FMO1: variants seen among roughly 807,000 people sequenced by gnomAD.
FMO1 encodes flavin containing dimethylaniline monoxygenase 1.
FMO1 carries 36 observed loss-of-function variants against 45.4 expected under a neutral mutation model. That is an observed-to-expected ratio of 0.79 (90% CI 0.61 to 1.05). The LOEUF is 1.05. Among genes scored for constraint, FMO1 ranks in the 50% least tolerant of loss-of-function variants. The pLI, the probability that FMO1 is intolerant of heterozygous loss-of-function variation, is 0.00. For synonymous variants in FMO1, 228 were observed against 227.2 expected (o/e 1.00, Z -0.03); for missense variants, 615 against 640.3 (o/e 0.96, Z 0.43).
Position 171,285,698 on chromosome 1 carries a change from A to G in FMO1, c.*154A>G. ...GGCTGGCCCCAGGGCTACCACTGGTATTCCTGAGCCTCTCCCAGCTCCACT... is the reference window on the plus strand; with the variant it reads ...GGCTGGCCCCAGGGCTACCACTGGTGTTCCTGAGCCTCTCCCAGCTCCACT... On this transcript the variant is annotated 3_prime_UTR_variant, in exon 9 of 9. Transcript: ENST00000617670. 2.3e-6 allele frequency: 1 copy of G among 433,664 alleles called. No individual in the cohort carries two copies. The highest frequency in any genetic ancestry group is 4.0e-6 in the Non-Finnish European group (1 of 249,842). The allele number at this position is 433,664 out of a possible 1,614,324, so 26.9% of individuals were successfully genotyped here.
chr1:171,285,650 A>T lies in FMO1; in HGVS notation c.*106A>T, dbSNP rs564629760. 4.8e-6 allele frequency: 3 copies of T among 622,166 alleles called. No individual in the cohort carries two copies. In the African/African-American group the frequency reaches 5.7e-5, roughly 12 times the overall value. 38.5% of individuals were successfully genotyped at this position (622,166 alleles called of 1,614,324 possible). A position where few individuals can be genotyped will look rare whatever the true frequency, so the allele number is the denominator to read the frequency against. The stretch of plus-strand genomic sequence containing the variant: ...CAGTTATAAACTGTATTCAAATAGT[A>T]AAGGCCACCCTCTCGCTTCCCTGGC... On this transcript the variant is annotated 3_prime_UTR_variant, in exon 9 of 9. Coordinates refer to ENST00000617670, the MANE Select transcript of FMO1 (RefSeq NM_001282693.2).
At chr1:171,283,483 C>A (rs1050646435) in intron 8 of FMO1, among the ~76,000 whole-genome samples, 1 of 151,930 alleles carries the variant, frequency 6.6e-6, no homozygotes, top group Non-Finnish European at 1.5e-5. Context: ...TCTAGTATCA[C>A]ATAGAGTTTG....
At chr1:171,281,043 C>G in intron 6 of FMO1, 58 bp downstream of exon 6, 1 of 1,424,988 alleles carries the variant, frequency 7.0e-7, no homozygotes. Context: ...GCCTGTCCAG[C>G]AGCCTATACA....
At chr1:171,284,183 A>C (rs1661518956) in intron 8 of FMO1, among the ~76,000 whole-genome samples, 1 of 90,854 alleles carries the variant, frequency 1.1e-5, no homozygotes, top group Non-Finnish European at 2.0e-5. Flanking sequence ...GCAAAAAAAA[A>C]AAAACAAAAA....
chr1:171,255,597 C>A (rs990691644), intron 1 of FMO1, among the ~76,000 whole-genome samples: 1 of 152,184 alleles, frequency 6.6e-6, no homozygotes, highest in Non-Finnish European at 1.5e-5. Context: ...ACACTAGGAG[C>A]CCATTCCTTC....
At chr1:171,266,782 C>G (rs1660633669) in intron 2 of FMO1, among the ~76,000 whole-genome samples, 1 of 152,132 alleles carries the variant, frequency 6.6e-6, no homozygotes, top group African/African-American at 2.4e-5. Context: ...AAGAACCTTG[C>G]CACTGAAATT....
At chr1:171,276,525 C>T (rs2101833308) in intron 4 of FMO1, among the ~76,000 whole-genome samples, 1 of 152,316 alleles carries the variant, frequency 6.6e-6, no homozygotes, top group South Asian at 2.1e-4. Context: ...AGCAGCCATC[C>T]ACTCCAAAAT....
chr1:171,280,845 C>T lies in FMO1; in HGVS notation c.687C>T (p.Tyr229=). Residue 229 remains tyrosine, a synonymous_variant, in exon 6 of 9, where the codon TAC becomes TAT. Coordinates refer to ENST00000617670, the MANE Select transcript of FMO1 (RefSeq NM_001282693.2). ...WVISRIFDSG[Y]PWDMVFMTRF... is the part of the protein sequence containing the mutation. ...TCAGCCGAATCTTTGACTCGGGCTA[C>T]CCATGGGACATGGTGTTCATGACAC... 3 of 1,613,838 alleles carry T rather than the reference C, an allele frequency of 1.9e-6. No individual in the cohort carries two copies. Among genetic ancestry groups the T allele is most frequent in the Middle Eastern group, 1.7e-4 (1 of 6,000 alleles).
At chr1:171,254,680 G>A (rs11806799) in intron 1 of FMO1, among the ~76,000 whole-genome samples, 3,368 of 152,240 alleles carry the variant, frequency 0.022, 48 homozygotes, top group African/African-American at 0.046. Context: ...TGTGGGGTCA[G>A]GCAGCTTCTC....
At chr1:171,280,641 A>C in intron 5 of FMO1, 145 bp from the exon 6 acceptor site, 2 of 644,796 alleles carry the variant, frequency 3.1e-6, no homozygotes, top group Non-Finnish European at 5.5e-6. Context: ...AAGTTAGAAG[A>C]ACCAAGACTA....
At chr1:171,282,798 A>G (rs1420405813) in intron 7 of FMO1, 2 of 260,716 alleles carry the variant, frequency 7.7e-6, no homozygotes, top group Non-Finnish European at 7.2e-6. Flanking sequence ...TATTTTGACT[A>G]AAACAAAATG....
chr1:171,277,895 G>A (rs1005830569), intron 4 of FMO1, among the ~76,000 whole-genome samples: 5 of 152,014 alleles, frequency 3.3e-5, no homozygotes, highest in African/African-American at 9.7e-5. Flanking sequence ...AGAATGTAGA[G>A]GTCTTATTAC....
In FMO1 at chr1:171,283,170, G is replaced by A. The variant is rs1373999675; in HGVS notation, c.1210G>A (p.Val404Ile). Reference protein sequence around the residue: ...KGVNKLPPPSVMIEEINARKE... With the variant: ...KGVNKLPPPSIMIEEINARKE... ...TGTAAATAAGTTACCACCACCAAGTGTCATGATAGAGGAAATTAATGCAAG... is the reference window on the plus strand; with the variant it reads ...TGTAAATAAGTTACCACCACCAAGTATCATGATAGAGGAAATTAATGCAAG... Residue 404 changes from valine (V) to isoleucine (I), a missense_variant, in exon 8 of 9, where the codon GTC becomes ATC. By Grantham distance (29) the Val-to-Ile change is conservative. Coordinates refer to ENST00000617670, the MANE Select transcript of FMO1 (RefSeq NM_001282693.2). The A allele has an allele frequency of 1.9e-6, 3 of 1,540,140 alleles. No homozygotes were observed. The highest frequency in any genetic ancestry group is 1.8e-6 in the Non-Finnish European group (2 of 1,133,912).
intron 1 of FMO1, among the ~76,000 whole-genome samples, chr1:171,253,538 G>C (rs1659998988): frequency 3.9e-5 from 6 of 152,062 alleles, no homozygotes; most frequent in Admixed American, 3.3e-4. Flanking sequence ...GAGGCGGGTG[G>C]ATCACCTGAG....
chr1:171,282,315 GC>G lies in FMO1; in HGVS notation c.1166del (p.Ala389ValfsTer5), dbSNP rs1326226287. On this transcript the variant is annotated frameshift_variant, in exon 7 of 9. Transcript: ENST00000617670. LOFTEE classifies it high-confidence loss of function. Reference protein sequence around the residue: ...IPTGETQARWAVRVLKGVNKL... With the variant: ...IPTGETQARWXVRVLKGVNKL... Reference sequence around the variant, plus strand: ...TACAGGAGAAACACAAGCTCGGTGGGCTGTTCGAGTCCTGAAAGGTAAGTAT... The same window carrying G: ...TACAGGAGAAACACAAGCTCGGTGGGTGTTCGAGTCCTGAAAGGTAAGTAT... 3 of 1,610,526 alleles carry G rather than the reference GC, an allele frequency of 1.9e-6. No homozygotes were observed. The highest frequency in any genetic ancestry group is 1.7e-5 in the Admixed American group (1 of 59,768).
intron 2 of FMO1, among the ~76,000 whole-genome samples, chr1:171,260,912 CAAAAAAAAA>C (rs71561566): frequency 9.3e-5 from 5 of 53,696 alleles, no homozygotes; most frequent in East Asian, 1.3e-3. Flanking sequence ...GGCTCCATCT[CAAAAAAAAA>C]AAAAAAAAAA....
In FMO1 at chr1:171,258,207, G is replaced by A. The variant is rs772709079; in HGVS notation, c.120G>A (p.Leu40=). 71 of 1,614,018 alleles carry A rather than the reference G, an allele frequency of 4.4e-5. No homozygotes were observed. The highest frequency in any genetic ancestry group is 6.0e-5 in the Non-Finnish European group (71 of 1,180,008). The change falls in exon 2 of 9, where the codon CTG becomes CTA. Residue 40 remains leucine, a synonymous_variant. Coordinates refer to ENST00000617670, the MANE Select transcript of FMO1 (RefSeq NM_001282693.2). ...CFERSDDLGG[L]WRFTEHVEEG... Reference sequence around the variant, plus strand: ...AGAGGAGCGATGACCTTGGGGGGCTGTGGAGATTCACCGTAAGTGGGGTTT... The same window carrying A: ...AGAGGAGCGATGACCTTGGGGGGCTATGGAGATTCACCGTAAGTGGGGTTT...
intron 3 of FMO1, chr1:171,271,474 A>G: frequency 1.0e-6 from 1 of 971,408 alleles, no homozygotes. Flanking sequence ...GAAAACTCTG[A>G]GAAGTTGACT....
At chr1:171,262,128 G>A (rs1408580763) in intron 2 of FMO1, among the ~76,000 whole-genome samples, 1 of 152,154 alleles carries the variant, frequency 6.6e-6, no homozygotes, top group Non-Finnish European at 1.5e-5. Context: ...AGAGACCTTG[G>A]AGAATTAGAA....
Sources: allele counts gnomAD v4.1 joint callset (sites outside exome capture counted in the v4.1 genomes callset), GRCh38; gene constraint gnomAD v4.1.1; transcripts MANE v1.5; gene names NCBI Gene and HGNC (gene_info 2026-07-23, HGNC 2026-07-21).